NCOA7: variants seen among roughly 807,000 people sequenced by gnomAD.
NCOA7 encodes 140 kDa estrogen receptor-associated protein.
NCOA7 carries 45 observed loss-of-function variants against 104.3 expected under a neutral mutation model. The observed-to-expected ratio is 0.43, with a 90% CI of 0.34 to 0.55. The LOEUF (loss-of-function observed/expected upper bound fraction) is 0.55. Among genes scored for constraint, NCOA7 ranks in the 20% least tolerant of loss-of-function variants. The pLI, the probability that NCOA7 is intolerant of heterozygous loss-of-function variation, is 0.02. For missense variants in NCOA7, 1,041 were observed against 1,119.7 expected, an observed-to-expected ratio of 0.93 and a Z score of 1.00; for synonymous variants, 398 against 402.3, an observed-to-expected ratio of 0.99 and a Z score of 0.13.
intron 7 of NCOA7, among the ~76,000 whole-genome samples, chr6:125,883,339 AT>A (rs1255592086): frequency 6.6e-6 from 1 of 152,182 alleles, no homozygotes; most frequent in Non-Finnish European, 1.5e-5. Context: ...ACATAAAGAA[AT>A]TTTTTAAAAG....
rs780464834 is a variant in NCOA7 at position 125,878,325 on chromosome 6, G to T, written c.414G>T (p.Leu138Phe). The T allele has an allele frequency of 1.2e-6, 2 of 1,612,618 alleles. No individual in the cohort carries two copies. The highest frequency in any genetic ancestry group is 2.2e-5 in the South Asian group (2 of 90,842). Residue 138 changes from leucine (L) to phenylalanine (F), a missense_variant, in exon 5 of 16, where the codon TTG becomes TTT. Leu to Phe is a conservative substitution (Grantham distance 22). This residue lies in a region of NCOA7 where 914 missense variants were observed against 942.7 expected (regional missense o/e 0.97). Coordinates refer to ENST00000392477, the MANE Select transcript of NCOA7 (RefSeq NM_181782.5). ...ALKFNITPNK[L>F]VELNKLFTHT... ...AATTTAACATCACTCCCAATAAATT[G>T]GTGGAACTGAATAAACTTTTCACAC...
At chr6:125,867,186 A>T (rs751198556) in intron 3 of NCOA7, among the ~76,000 whole-genome samples, 1 of 152,228 alleles carries the variant, frequency 6.6e-6, no homozygotes, top group Non-Finnish European at 1.5e-5. Context: ...AAAAATTATG[A>T]TATCTGGCCA....
rs543624846 is a variant in NCOA7 at position 125,862,289 on chromosome 6, G to A, written c.271+7049G>A. 1.5e-3 allele frequency among the ~76,000 whole-genome samples: 205 copies of A among 137,340 alleles called. 48 individuals carry two copies. Among genetic ancestry groups the A allele is most frequent in the African/African-American group, 6.0e-3 (196 of 32,880 alleles). 90.1% of individuals were successfully genotyped at this position (137,340 alleles called of 152,430 possible). A position where few individuals can be genotyped will look rare whatever the true frequency, so the allele number is the denominator to read the frequency against. On this transcript the variant is annotated intron_variant, in intron 3 of 15. Transcript: ENST00000392477. ...ATACTCAGTCCTCCGAATAACTGTAGCAAATGTTTACAGGTCATGAATAAA... is the reference window on the plus strand; with the variant it reads ...ATACTCAGTCCTCCGAATAACTGTAACAAATGTTTACAGGTCATGAATAAA...
At chr6:125,838,923 A>C (rs1005303249) in intron 2 of NCOA7, among the ~76,000 whole-genome samples, 3 of 151,518 alleles carry the variant, frequency 2.0e-5, no homozygotes, top group African/African-American at 7.3e-5. Context: ...TGGGGGACTC[A>C]GGGGTGGTAG....
chr6:125,853,135 T>C (rs533730880), intron 2 of NCOA7, among the ~76,000 whole-genome samples: 5 of 152,258 alleles, frequency 3.3e-5, no homozygotes, highest in Middle Eastern at 3.4e-3. Context: ...CTTATAGAGA[T>C]ATTTTGAGTT....
intron 6 of NCOA7, 107 bp downstream of exon 6, chr6:125,881,310 AT>A (rs1783805612): frequency 1.2e-6 from 1 of 839,210 alleles, no homozygotes; most frequent in Admixed American, 2.1e-5. Flanking sequence ...TTCTCCCTAG[AT>A]GGTTGAGATT....
intron 1 of NCOA7, among the ~76,000 whole-genome samples, chr6:125,784,263 C>T (rs1183453150): frequency 1.3e-5 from 2 of 152,120 alleles, no homozygotes; most frequent in Admixed American, 1.3e-4. Context: ...ATGTCAGGTA[C>T]TATGTTGGAC....
chr6:125,886,446 C>A (rs938744323), intron 8 of NCOA7, among the ~76,000 whole-genome samples: 1 of 152,146 alleles, frequency 6.6e-6, no homozygotes, highest in African/African-American at 2.4e-5. Context: ...ATTAAGTATT[C>A]TATTTAATAA....
At position 125,916,442 on chromosome 6, in the gene NCOA7, A is replaced by G. The variant is rs895016972; in HGVS notation, c.2244+962A>G. ...CATCCAGTCAGGCAAGCATGTATCA[A>G]GTACTTCTTTAGGCGAGGGCCCTGG... On this transcript the variant is annotated intron_variant, in intron 11 of 15. Coordinates refer to ENST00000392477, the MANE Select transcript of NCOA7 (RefSeq NM_181782.5). Among the ~76,000 whole-genome samples the G allele has an allele frequency of 2.0e-5, 3 of 152,238 alleles. No individual in the cohort carries two copies. In the South Asian group the frequency reaches 6.2e-4, roughly 32 times the overall value.
intron 3 of NCOA7, among the ~76,000 whole-genome samples, chr6:125,870,298 A>G (rs535294817): frequency 3.9e-5 from 6 of 152,330 alleles, no homozygotes; most frequent in East Asian, 1.9e-4. Context: ...TGATGTTGAC[A>G]GCATCTGTCT....
At chr6:125,807,285 A>G (rs887958358) in intron 1 of NCOA7, among the ~76,000 whole-genome samples, 8 of 152,198 alleles carry the variant, frequency 5.3e-5, no homozygotes, top group African/African-American at 1.9e-4. Flanking sequence ...ATCTAGTTTC[A>G]TGCCATTTAA....
rs549679806 is a variant in NCOA7, at chr6:125,907,445, G to A, written c.2097-7888G>A. ...CAGCACTGACGGGCTGGCTCCGGTGGTGCTGTGAGTCCCTCATCAGCGGAA... is the reference window on the plus strand; with the variant it reads ...CAGCACTGACGGGCTGGCTCCGGTGATGCTGTGAGTCCCTCATCAGCGGAA... On this transcript the variant is annotated intron_variant, in intron 10 of 15. Coordinates refer to ENST00000392477, the MANE Select transcript of NCOA7 (RefSeq NM_181782.5). Among the ~76,000 whole-genome samples the A allele has an allele frequency of 2.0e-4, 31 of 152,322 alleles. 1 individual carries two copies. In the South Asian group the frequency reaches 6.4e-3, roughly 32 times the overall value.
intron 2 of NCOA7, among the ~76,000 whole-genome samples, chr6:125,816,964 A>G (rs980510874): frequency 6.6e-6 from 1 of 152,206 alleles, no homozygotes; most frequent in Non-Finnish European, 1.5e-5. Context: ...GACAACCACT[A>G]TAATTTGTCA....
chr6:125,826,655 C>T lies in NCOA7; in HGVS notation c.50+11251C>T, dbSNP rs188818443. Among the ~76,000 whole-genome samples, 449 of 152,274 alleles carry T rather than the reference C, an allele frequency of 2.9e-3. 6 individuals carry two copies. The highest frequency in any genetic ancestry group is 3.8e-3 in the Non-Finnish European group (259 of 68,032). On this transcript the variant is annotated intron_variant, in intron 2 of 15. Coordinates refer to ENST00000392477, the MANE Select transcript of NCOA7 (RefSeq NM_181782.5). ...ACCTTATGTGCCTGTGCCTATTAAG[C>T]CCAGACGGTAGATTGGTAAACAAAA...
intron 10 of NCOA7, among the ~76,000 whole-genome samples, chr6:125,904,039 A>C (rs1785745547): frequency 1.3e-5 from 2 of 152,158 alleles, no homozygotes; most frequent in South Asian, 4.1e-4. Flanking sequence ...GTTCTTCTGC[A>C]TACCCTCTGA....
intron 2 of NCOA7, among the ~76,000 whole-genome samples, chr6:125,832,588 A>G (rs1779280393): frequency 6.6e-6 from 1 of 152,258 alleles, no homozygotes; most frequent in Non-Finnish European, 1.5e-5. Context: ...ATAAGGCCAC[A>G]AATGATTGGT....
intron 6 of NCOA7, 26 bp from the exon 7 acceptor site, chr6:125,882,400 A>G: frequency 1.9e-6 from 3 of 1,607,756 alleles, no homozygotes; most frequent in Non-Finnish European, 2.5e-6. Flanking sequence ...CTTTTATTTG[A>G]TTTTGAAATT....
rs141906776 is a variant in NCOA7 at position 125,782,145 on chromosome 6, T to C, written c.-142+774T>C. On this transcript the variant is annotated intron_variant, in intron 1 of 16. Transcript: ENST00000368357. Reference sequence around the variant, plus strand: ...TTTTAAATGAGAATAATTGGATATATTGGGTTAAATAAAATATTAAACTTA... The same window carrying C: ...TTTTAAATGAGAATAATTGGATATACTGGGTTAAATAAAATATTAAACTTA... Among the ~76,000 whole-genome samples, 526 of 152,346 alleles carry C rather than the reference T, an allele frequency of 3.5e-3. 2 individuals are homozygous for C. The highest frequency in any genetic ancestry group is 0.02 in the Middle Eastern group (6 of 294).
chr6:125,833,459 T>C (rs1056198888), intron 2 of NCOA7, among the ~76,000 whole-genome samples: 25 of 152,034 alleles, frequency 1.6e-4, no homozygotes, highest in African/African-American at 5.8e-4. Context: ...GACAGGCTCC[T>C]GTAATCCCAG....
Sources: gnomAD v4.1 joint callset for allele counts (sites outside exome capture counted in the v4.1 genomes callset) on GRCh38, gnomAD v4.1.1 for gene constraint, gnomAD v4.1.1 regional missense constraint, MANE v1.5 for transcripts, NCBI Gene and HGNC (gene_info 2026-07-23, HGNC 2026-07-21) for gene names.